LRRC69: variants seen among roughly 807,000 people sequenced by gnomAD.
The protein encoded by LRRC69 is leucine-rich repeat-containing protein 69.
Under a neutral mutation model 37.8 loss-of-function variants are expected in LRRC69, and 42 were observed. The observed-to-expected ratio is 1.11, with a 90% CI of 0.87 to 1.44. LRRC69 has a LOEUF of 1.44. Among genes scored for constraint, LRRC69 ranks in the 40% most tolerant of loss-of-function variants. LRRC69 has a pLI of 0.00. For missense variants in LRRC69, 357 were observed against 401.9 expected, an observed-to-expected ratio of 0.89 and a Z score of 0.96; for synonymous variants, 141 against 143.1, an observed-to-expected ratio of 0.99 and a Z score of 0.11.
At position 91,169,303 on chromosome 8, in the gene LRRC69, C is replaced by T. The variant is rs182112732; in HGVS notation, c.652-20219C>T. ...GGATTAAAAAACTCTCTATCAAGTA[C>T]TATGATTATTACCTGGGTGATGAAA... On this transcript the variant is annotated intron_variant, in intron 5 of 7. Coordinates refer to ENST00000448384, the Ensembl canonical transcript of LRRC69. 3.8e-4 allele frequency among the ~76,000 whole-genome samples: 57 copies of T among 151,966 alleles called. No individual in the cohort carries two copies. In the East Asian group the frequency reaches 0.011, roughly 28 times the overall value.
intron 5 of LRRC69, among the ~76,000 whole-genome samples, chr8:91,163,446 T>C (rs190563968): frequency 5.3e-5 from 8 of 151,366 alleles, no homozygotes; most frequent in African/African-American, 1.7e-4. Flanking sequence ...AGCTTTATCA[T>C]AGCCTTTGTC....
chr8:91,111,488 C>T (rs562074970), intron 1 of LRRC69, among the ~76,000 whole-genome samples: 21 of 152,008 alleles, frequency 1.4e-4, no homozygotes, highest in African/African-American at 4.3e-4. Flanking sequence ...GAGCTGAGAT[C>T]GTGCCACTGC....
chr8:91,187,774 G>A (rs10097502), intron 5 of LRRC69, among the ~76,000 whole-genome samples: 104,194 of 152,060 alleles, frequency 0.69, 36,217 homozygotes, highest in African/African-American at 0.76. Flanking sequence ...AGTGTCTTCA[G>A]ACTTATTCAG....
downstream of LRRC69, chr8:91,219,194 T>C (rs1371588880): frequency 7.9e-6 from 3 of 379,068 alleles, no homozygotes; most frequent in Non-Finnish European, 1.4e-5. Flanking sequence ...ATTCTAGGTG[T>C]GCTTTTTTTG....
At chr8:91,147,278 T>TAAA (rs1808638730) in intron 5 of LRRC69, among the ~76,000 whole-genome samples, 1 of 146,396 alleles carries the variant, frequency 6.8e-6, no homozygotes, top group South Asian at 2.1e-4. Flanking sequence ...ACATATATTA[T>TAAA]ATATAAACAT....
chr8:91,203,748 T>A (rs1372879573), intron 7 of LRRC69, among the ~76,000 whole-genome samples: 1 of 151,884 alleles, frequency 6.6e-6, no homozygotes, highest in Non-Finnish European at 1.5e-5. Flanking sequence ...AAGAATCTTT[T>A]AAAAAATACA....
chr8:91,175,072 G>A (rs541738723), intron 5 of LRRC69, among the ~76,000 whole-genome samples: 1 of 152,280 alleles, frequency 6.6e-6, no homozygotes, highest in South Asian at 2.1e-4. Context: ...GGTAGAGCAG[G>A]AGAATTCTAT....
chr8:91,141,614 A>C (rs1808534729), intron 5 of LRRC69, among the ~76,000 whole-genome samples: 1 of 152,122 alleles, frequency 6.6e-6, no homozygotes, highest in South Asian at 2.1e-4. Context: ...TAAATGAAGA[A>C]ATATGGATGT....
intron 5 of LRRC69, among the ~76,000 whole-genome samples, chr8:91,171,775 A>G (rs1329863440): frequency 6.6e-6 from 1 of 152,056 alleles, no homozygotes; most frequent in East Asian, 1.9e-4. Flanking sequence ...ACTTTTAAAA[A>G]TGTCTTTTCA....
At chr8:91,109,752 C>T (rs1220344622) in intron 1 of LRRC69, among the ~76,000 whole-genome samples, 1 of 152,002 alleles carries the variant, frequency 6.6e-6, no homozygotes, top group African/African-American at 2.4e-5. Context: ...GATGAGATAA[C>T]ATGCTGGCCA....
chr8:91,171,429 C>T (rs1809129808), intron 5 of LRRC69, among the ~76,000 whole-genome samples: 1 of 151,974 alleles, frequency 6.6e-6, no homozygotes, highest in African/African-American at 2.4e-5. Flanking sequence ...TCACCCCCTC[C>T]TGCTCCCTGA....
intron 5 of LRRC69, among the ~76,000 whole-genome samples, chr8:91,155,867 GTA>G (rs57160758): frequency 0.053 from 7,774 of 146,498 alleles, 279 homozygotes; most frequent in Middle Eastern, 0.16. Context: ...GTATGTGTGT[GTA>G]TATATATATA....
chr8:91,169,384 A>T (rs1009635025), intron 5 of LRRC69, among the ~76,000 whole-genome samples: 1 of 151,946 alleles, frequency 6.6e-6, no homozygotes, highest in Non-Finnish European at 1.5e-5. Flanking sequence ...AAACCTGCAC[A>T]TGTACCCTTG....
At chr8:91,175,998 A>G (rs1439689124) in intron 5 of LRRC69, among the ~76,000 whole-genome samples, 3 of 151,106 alleles carry the variant, frequency 2.0e-5, no homozygotes, top group Non-Finnish European at 4.4e-5. Flanking sequence ...TTTTGTAGGT[A>G]TCTCTATTAC....
intron 1 of LRRC69, among the ~76,000 whole-genome samples, chr8:91,108,595 C>T (rs1028251281): frequency 3.9e-5 from 6 of 152,022 alleles, no homozygotes; most frequent in Non-Finnish European, 8.8e-5. Context: ...ATTGTGAAAA[C>T]GTGCAACTGA....
intron 1 of LRRC69, chr8:91,118,224 G>C (rs1242162927): frequency 4.4e-6 from 2 of 455,354 alleles, no homozygotes; most frequent in South Asian, 3.1e-5. Flanking sequence ...TTCCTTCTAG[G>C]CCGGGTGCGG....
At chr8:91,138,466 GTATT>G (rs1248986994) in intron 5 of LRRC69, among the ~76,000 whole-genome samples, 7 of 151,252 alleles carry the variant, frequency 4.6e-5, no homozygotes, top group Admixed American at 2.6e-4. Flanking sequence ...TTTAAAATAG[GTATT>G]TATTTAAGAG....
intron 5 of LRRC69, among the ~76,000 whole-genome samples, chr8:91,149,794 C>G (rs1170512297): frequency 5.9e-5 from 9 of 152,014 alleles, no homozygotes; most frequent in African/African-American, 1.9e-4. Context: ...TTGAAGAGGT[C>G]CTTCACGTCC....
intron 1 of LRRC69, 115 bp downstream of exon 1, chr8:91,102,959 C>T: frequency 2.0e-6 from 2 of 1,001,702 alleles, no homozygotes; most frequent in Non-Finnish European, 2.8e-6. Flanking sequence ...ACTTAGGTAT[C>T]TGGAGACTTA....
Sources: gnomAD v4.1 joint callset for allele counts (sites outside exome capture counted in the v4.1 genomes callset) on GRCh38, gnomAD v4.1.1 for gene constraint, MANE v1.5 for transcripts, NCBI Gene and HGNC (gene_info 2026-07-23, HGNC 2026-07-21) for gene names.